The following GYS1 variants were observed in gnomAD, a reference collection of about 807,000 sequenced individuals.
GYS1 encodes the protein glycogen synthase 1.
A neutral mutation model predicts 89.1 loss-of-function variants in GYS1; 60 were observed. That is an observed-to-expected ratio of 0.67 (90% CI 0.55 to 0.84). The LOEUF is 0.84. Among genes scored for constraint, GYS1 ranks in the 40% least tolerant of loss-of-function variants. The probability of loss-of-function intolerance (pLI) is 0.00; values close to 1 mark genes in which losing one functional copy is unlikely to be tolerated. For missense variants in GYS1, 888 were observed against 1,003.1 expected, an observed-to-expected ratio of 0.89 and a Z score of 1.55; for synonymous variants, 366 against 401.7, an observed-to-expected ratio of 0.91 and a Z score of 1.06.
chr19:48,970,785 G>A lies in GYS1; in HGVS notation c.1646-76C>T, dbSNP rs112732511. On this transcript the variant is annotated intron_variant, in intron 13 of 15. Transcript: ENST00000323798. ...GGTCTCCAGGACTCTGTGGCACCAG[G>A]ACCCCTCCTCTCCCAGCGGCCCGAG... 1,959 of 1,496,922 alleles carry A rather than the reference G, an allele frequency of 1.3e-3. 21 individuals carry two copies. In the African/African-American group the frequency reaches 0.024, roughly 19 times the overall value. The allele number at this position is 1,496,922 out of a possible 1,614,324, so 92.7% of individuals were successfully genotyped here. A position where few individuals can be genotyped will look rare whatever the true frequency, so the allele number is the denominator to read the frequency against.
At chr19:48,975,262 T>C (rs1218359191) in intron 10 of GYS1, among the ~76,000 whole-genome samples, 1 of 146,938 alleles carries the variant, frequency 6.8e-6, no homozygotes, top group African/African-American at 2.5e-5. Context: ...TTAATAGAGA[T>C]GGGGTTTCAC....
chr19:48,981,679 G>T (rs1249097526), intron 7 of GYS1, 43 bp from the exon 8 acceptor site: 1 of 1,254,424 alleles, frequency 8.0e-7, no homozygotes, highest in Admixed American at 1.7e-5. Context: ...TCATGTGGGG[G>T]AAGCCTGGAA....
chr19:48,992,896 G>A, intron 1 of GYS1, 99 bp downstream of exon 1: 1 of 789,066 alleles, frequency 1.3e-6, no homozygotes, highest in Non-Finnish European at 2.3e-6. Context: ...CAGGTCACAA[G>A]GGTTCCCCTA....
intron 2 of GYS1, among the ~76,000 whole-genome samples, chr19:48,990,008 G>GGGC (rs1555800153): frequency 1.3e-5 from 2 of 148,870 alleles, no homozygotes; most frequent in Non-Finnish European, 3.0e-5. Flanking sequence ...TGGGGGGGGG[G>GGGC]GGGGGCTATT....
At position 48,971,037 on chromosome 19, in the gene GYS1, GGAGA is replaced by G. The variant is rs1568616499; in HGVS notation, c.1550-18_1550-15del. 5.1e-6 allele frequency: 8 copies of G among 1,578,196 alleles called. No homozygotes were observed. The highest frequency in any genetic ancestry group is 7.0e-6 in the Non-Finnish European group (8 of 1,147,178). On this transcript the variant is annotated splice_polypyrimidine_tract_variant and intron_variant, in intron 12 of 15. Transcript: ENST00000323798. ...CCGTGCACTCAGCTGCGGGAAGGCA[GGAGA>G]GAGACCCACTTAGCTTCCCTCATCG...
chr19:48,974,929 AATT>A (rs2038622309), intron 10 of GYS1, among the ~76,000 whole-genome samples, 196 bp from the exon 11 acceptor site: 1 of 148,426 alleles, frequency 6.7e-6, no homozygotes, highest in Non-Finnish European at 1.5e-5. Flanking sequence ...TTTTCTTTTA[AATT>A]ATTATTATTT....
At chr19:48,989,793 C>T (rs186716618) in intron 2 of GYS1, among the ~76,000 whole-genome samples, 58 of 152,302 alleles carry the variant, frequency 3.8e-4, no homozygotes, top group African/African-American at 1.3e-3. Context: ...TAGCCACTGC[C>T]GTGTTTCTAA....
intron 8 of GYS1, among the ~76,000 whole-genome samples, chr19:48,979,232 G>C (rs2038708198): frequency 6.6e-6 from 1 of 151,574 alleles, no homozygotes; most frequent in African/African-American, 2.4e-5. Context: ...AGTAAAGCTA[G>C]CAGTGTCACA....
chr19:48,979,548 G>C (rs2038719661), intron 8 of GYS1, among the ~76,000 whole-genome samples: 1 of 150,602 alleles, frequency 6.6e-6, no homozygotes. Context: ...CGTTGACCAG[G>C]CTGATCTCGA....
intron 5 of GYS1, 101 bp downstream of exon 5, chr19:48,985,360 A>G (rs2038825203): frequency 1.3e-5 from 16 of 1,235,024 alleles, no homozygotes; most frequent in Non-Finnish European, 1.5e-5. Context: ...GGTTTATGCT[A>G]TTTCAACTTA....
At chr19:48,987,113 G>C in intron 3 of GYS1, 81 bp downstream of exon 3, 5 of 1,017,842 alleles carry the variant, frequency 4.9e-6, no homozygotes, top group Non-Finnish European at 7.7e-6. Flanking sequence ...AGAATGCCCA[G>C]GGAGAAGCCC....
At chr19:48,985,100 A>G (rs1283717202) in intron 5 of GYS1, among the ~76,000 whole-genome samples, 1 of 152,036 alleles carries the variant, frequency 6.6e-6, no homozygotes, top group Non-Finnish European at 1.5e-5. Flanking sequence ...GGCCACCCAA[A>G]TCATGCAATG....
In GYS1 at chr19:48,982,635, C is replaced by G. The variant is rs115057212; in HGVS notation, c.941+85G>C. 1,656 of 1,035,254 alleles carry G rather than the reference C, an allele frequency of 1.6e-3. 20 individuals carry two copies. In the African/African-American group the frequency reaches 0.021, roughly 13 times the overall value. The allele number at this position is 1,035,254 out of a possible 1,614,324, so 64.1% of individuals were successfully genotyped here. On this transcript the variant is annotated intron_variant, in intron 6 of 15. Transcript: ENST00000323798. ...CCTCCCTCAGACCCAGGAGTCTGGG[C>G]CCCCAGCTGCCCCCTCCCCCAGACC...
chr19:48,984,075 GACA>G (rs2038804695), intron 5 of GYS1, among the ~76,000 whole-genome samples: 1 of 151,934 alleles, frequency 6.6e-6, no homozygotes, highest in African/African-American at 2.4e-5. Context: ...CTTGGCTCAC[GACA>G]ACCTCTGCCT....
At position 48,978,088 on chromosome 19, in the gene GYS1, G is replaced by A. The variant is rs920508465; in HGVS notation, c.1229+10C>T. The A allele has an allele frequency of 2.5e-6, 4 of 1,612,440 alleles. No individual in the cohort carries two copies. The African/African-American group carries it at 5.3e-5, about 22-fold the overall frequency. On this transcript the variant is annotated intron_variant, in intron 9 of 15. Coordinates refer to ENST00000323798, the MANE Select transcript of GYS1 (RefSeq NM_002103.5). ...CTAGGAGGGCACAGGGCTGAGGGTG[G>A]GGCACTCACACCAGTAAGGATTCAT...
intron 4 of GYS1, 117 bp downstream of exon 4, chr19:48,985,733 G>T: frequency 6.7e-7 from 1 of 1,496,000 alleles, no homozygotes; most frequent in East Asian, 2.3e-5. Flanking sequence ...GGAGGGGTCT[G>T]GGGACTTGGA....
chr19:48,984,651 C>T (rs2038813931), intron 5 of GYS1, among the ~76,000 whole-genome samples: 1 of 151,954 alleles, frequency 6.6e-6, no homozygotes, highest in Non-Finnish European at 1.5e-5. Flanking sequence ...GCCTTGGCCT[C>T]CCAAAGTGTT....
At chr19:48,978,529 A>AC (rs2038697173) in intron 8 of GYS1, among the ~76,000 whole-genome samples, 1 of 105,134 alleles carries the variant, frequency 9.5e-6, no homozygotes, top group East Asian at 3.2e-4. Flanking sequence ...CCAGCAGTTT[A>AC]TTTATTATTA....
Position 48,993,151 on chromosome 19 carries a change from A to G in GYS1, c.-39T>C. ...AGGGGGGCTCCGGGGATCTCCAGGT[A>G]GGGACCCCGGAGGTGTCTAGGGAAT... On this transcript the variant is annotated 5_prime_UTR_variant, in exon 1 of 16. Coordinates refer to ENST00000323798, the MANE Select transcript of GYS1 (RefSeq NM_002103.5). 8.6e-7 allele frequency: 1 copy of G among 1,169,272 alleles called. No individual in the cohort carries two copies. Among genetic ancestry groups the G allele is most frequent in the Non-Finnish European group, 1.3e-6 (1 of 774,898 alleles). The allele number at this position is 1,169,272 out of a possible 1,614,324, so 72.4% of individuals were successfully genotyped here. A position where few individuals can be genotyped will look rare whatever the true frequency, so the allele number is the denominator to read the frequency against.
Sources: allele counts gnomAD v4.1 joint callset (sites outside exome capture counted in the v4.1 genomes callset), GRCh38; gene constraint gnomAD v4.1.1; transcripts MANE v1.5; gene names NCBI Gene and HGNC (gene_info 2026-07-23, HGNC 2026-07-21).